Variants in ADGRG2 observed in about 807,000 individuals in gnomAD.
The protein encoded by ADGRG2 is adhesion G protein-coupled receptor G2.
A neutral mutation model predicts 74.1 loss-of-function variants in ADGRG2; 26 were observed. The ratio of observed to expected loss-of-function variants is 0.35; its 90% confidence interval spans 0.26 to 0.49. The LOEUF is 0.49. ADGRG2 is among the 20% of genes least tolerant of loss of function. The pLI, the probability that ADGRG2 is intolerant of heterozygous loss-of-function variation, is 0.99. For synonymous variants in ADGRG2, 296 were observed against 295.2 expected, an observed-to-expected ratio of 1.00 and a Z score of -0.03; for missense variants, 619 against 763.1, an observed-to-expected ratio of 0.81 and a Z score of 2.22.
At chrX:19,032,301 C>G (rs1178354920) in intron 8 of ADGRG2, 4 of 111,023 alleles carry the variant, frequency 3.6e-5, no homozygotes, top group African/African-American at 1.3e-4. Context: ...TTACCCACAC[C>G]AAAAGAGAAA....
chrX:19,088,565 GC>G (rs755259933), intron 1 of ADGRG2, among the ~76,000 whole-genome samples: 2 of 111,371 alleles, frequency 1.8e-5, no homozygotes, highest in Non-Finnish European at 1.9e-5. Context: ...CGCAATTACT[GC>G]AGACTCAATA....
At chrX:19,043,409 T>C (rs2061111481) in intron 3 of ADGRG2, among the ~76,000 whole-genome samples, 3 of 111,753 alleles carry the variant, frequency 2.7e-5, no homozygotes, top group Middle Eastern at 4.6e-3. Flanking sequence ...TTGAGCTCCA[T>C]GCCACTCTTA....
At chrX:19,113,192 A>G (rs2086418087) in intron 1 of ADGRG2, among the ~76,000 whole-genome samples, 1 of 108,879 alleles carries the variant, frequency 9.2e-6, no homozygotes, top group South Asian at 4.0e-4. Context: ...AGCCTGGCCA[A>G]CATGGCAAAA....
intron 2 of ADGRG2, among the ~76,000 whole-genome samples, chrX:19,071,978 C>T (rs2061660989): frequency 1.8e-5 from 2 of 109,943 alleles, no homozygotes; most frequent in African/African-American, 6.6e-5. Context: ...GAGAGAGTAT[C>T]AGAGTGGTTT....
chrX:19,104,282 C>T (rs750286736), intron 1 of ADGRG2, among the ~76,000 whole-genome samples: 2 of 110,262 alleles, frequency 1.8e-5, no homozygotes, highest in South Asian at 4.1e-4. Flanking sequence ...TAGGAGCCCC[C>T]GGGATGTGAT....
chrX:19,036,745 C>T (rs192356564), intron 6 of ADGRG2, among the ~76,000 whole-genome samples: 154 of 111,181 alleles, frequency 1.4e-3, no homozygotes, highest in Middle Eastern at 4.6e-3. Flanking sequence ...ACATCTGTCC[C>T]TTCCCATTGG....
intron 3 of ADGRG2, among the ~76,000 whole-genome samples, chrX:19,049,455 T>TTTTTTTTTG (rs1328733136): frequency 8.0e-4 from 73 of 90,917 alleles, no homozygotes; most frequent in African/African-American, 3.2e-3. Flanking sequence ...TTTTTTTTTT[T>TTTTTTTTTG]TTGTTGTTGT....
chrX:19,105,854 G>C (rs144227559), intron 1 of ADGRG2, among the ~76,000 whole-genome samples: 1 of 103,836 alleles, frequency 9.6e-6, no homozygotes, highest in Non-Finnish European at 2.0e-5. Flanking sequence ...CTTGAACCTG[G>C]GAGGCGGAGG....
At chrX:19,086,302 G>A (rs929541302) in intron 1 of ADGRG2, among the ~76,000 whole-genome samples, 1 of 111,157 alleles carries the variant, frequency 9.0e-6, no homozygotes, top group African/African-American at 3.3e-5. Context: ...TGTAAGACAT[G>A]GCACGGAACA....
intron 6 of ADGRG2, chrX:19,036,284 T>C: frequency 6.2e-6 from 1 of 161,263 alleles, no homozygotes; most frequent in East Asian, 1.5e-4. Flanking sequence ...ATTTTGTCCC[T>C]TTTTTCTCTA....
At chrX:19,041,972 G>A (rs1045363401) in intron 3 of ADGRG2, among the ~76,000 whole-genome samples, 1 of 110,441 alleles carries the variant, frequency 9.1e-6, no homozygotes, top group African/African-American at 3.3e-5. Flanking sequence ...ACCACACCTG[G>A]CTAATTTTTT....
intron 28 of ADGRG2, 34 bp from the exon 29 acceptor site, chrX:18,991,082 G>A (rs764071011): frequency 1.1e-6 from 1 of 906,182 alleles, no homozygotes; most frequent in Admixed American, 2.9e-5. Context: ...GTGGCATGAA[G>A]TATCCACAGA....
At chrX:19,056,997 T>C (rs1187180964) in intron 3 of ADGRG2, among the ~76,000 whole-genome samples, 1 of 111,296 alleles carries the variant, frequency 9.0e-6, no homozygotes, top group Non-Finnish European at 1.9e-5. Context: ...TTGAATGAAA[T>C]TATATTACAT....
intron 1 of ADGRG2, among the ~76,000 whole-genome samples, chrX:19,104,329 G>A (rs970834002): frequency 6.0e-4 from 66 of 110,864 alleles, no homozygotes; most frequent in African/African-American, 2.2e-3. Flanking sequence ...TACACCCTCT[G>A]GGTACAGGTC....
chrX:19,098,853 C>T (rs1374762218), intron 1 of ADGRG2, among the ~76,000 whole-genome samples: 1 of 112,134 alleles, frequency 8.9e-6, no homozygotes, highest in African/African-American at 3.2e-5. Flanking sequence ...AGACAGAAAT[C>T]AGTTCAGACT....
chrX:19,026,157 T>C (rs2060696460), intron 11 of ADGRG2, among the ~76,000 whole-genome samples: 1 of 112,302 alleles, frequency 8.9e-6, no homozygotes, highest in East Asian at 2.8e-4. Context: ...TGCCTAGGCA[T>C]TGCTGAATCA....
intron 11 of ADGRG2, among the ~76,000 whole-genome samples, chrX:19,025,895 CA>C (rs766825184): frequency 0.041 from 4,112 of 101,227 alleles, 204 homozygotes; most frequent in African/African-American, 0.14. Flanking sequence ...GACTCCATCT[CA>C]AAAAAAAAAA....
chrX:19,052,982 A>G (rs2061349835), intron 3 of ADGRG2, among the ~76,000 whole-genome samples: 1 of 111,830 alleles, frequency 8.9e-6, no homozygotes, highest in Non-Finnish European at 1.9e-5. Flanking sequence ...GGCATGAGCC[A>G]CTGCACCCGG....
chrX:18,994,862 T>G (rs1369987781), intron 28 of ADGRG2, 34 bp downstream of exon 28: 2 of 1,108,038 alleles, frequency 1.8e-6, no homozygotes, highest in Admixed American at 2.8e-5. Flanking sequence ...AAATAAACAC[T>G]AGCTTGAGAA....
Sources: gnomAD v4.1 joint callset for allele counts (sites outside exome capture counted in the v4.1 genomes callset) on GRCh38, gnomAD v4.1.1 for gene constraint, MANE v1.5 for transcripts, NCBI Gene and HGNC (gene_info 2026-07-23, HGNC 2026-07-21) for gene names.